UNC13C: variants seen among roughly 807,000 people sequenced by gnomAD.
UNC13C encodes unc-13 homolog C.
Under a neutral mutation model 245.4 loss-of-function variants are expected in UNC13C, and 174 were observed. The observed-to-expected ratio is 0.71, with a 90% confidence interval of 0.63 to 0.80. The LOEUF (loss-of-function observed/expected upper bound fraction) is 0.80. Among genes scored for constraint, UNC13C ranks in the 30% least tolerant of loss-of-function variants. The probability of loss-of-function intolerance (pLI) is 0.00; values close to 1 mark genes in which losing one functional copy is unlikely to be tolerated. For synonymous variants in UNC13C, 992 were observed against 895.1 expected (o/e 1.11, Z -1.93); for missense variants, 2,829 against 2,602.9 (o/e 1.09, Z -1.89).
chr15:54,271,598 G>A (rs1162671907), intron 10 of UNC13C, among the ~76,000 whole-genome samples: 1 of 152,116 alleles, frequency 6.6e-6, no homozygotes, highest in Non-Finnish European at 1.5e-5. Context: ...CTATAGTTGA[G>A]GCCTTGGTGC....
intron 19 of UNC13C, among the ~76,000 whole-genome samples, chr15:54,452,768 A>G (rs753266939): frequency 6.6e-6 from 1 of 152,212 alleles, no homozygotes; most frequent in African/African-American, 2.4e-5. Context: ...GTCGGCAGCC[A>G]TAGGTAGCTG....
chr15:53,891,839 T>G, the UNC13C span, among the ~76,000 whole-genome samples: 1 of 152,258 alleles, frequency 6.6e-6, no homozygotes, highest in African/African-American at 2.4e-5. Context: ...GTCTTTTAAT[T>G]GGGGCATTTA....
At chr15:54,018,965 CTG>C (rs761496443) in intron 2 of UNC13C, among the ~76,000 whole-genome samples, 18 of 152,152 alleles carry the variant, frequency 1.2e-4, no homozygotes, top group Non-Finnish European at 2.1e-4. Flanking sequence ...CAAATTCAAA[CTG>C]TGGCTTTTAA....
intron 28 of UNC13C, 48 bp downstream of exon 28, chr15:54,549,739 C>A: frequency 7.9e-7 from 1 of 1,273,272 alleles, no homozygotes; most frequent in South Asian, 1.4e-5. Flanking sequence ...AGTGAGTTAA[C>A]TACAGTTCTG....
the UNC13C span, among the ~76,000 whole-genome samples, chr15:53,897,075 C>T: frequency 2.1e-4 from 32 of 152,214 alleles, no homozygotes; most frequent in African/African-American, 6.0e-4. Flanking sequence ...CTGAACCCTG[C>T]TTTCCTCCCT....
Position 54,627,130 on chromosome 15 carries a change from T to A in UNC13C, c.*17T>A. The A allele has an allele frequency of 6.3e-7, 1 of 1,593,418 alleles. No homozygotes were observed. Reference sequence around the variant, plus strand: ...AGTGCTTGAAACAAACACTGCAAGCTAAATACATAACTATAATTGTTTGAC... The same window carrying A: ...AGTGCTTGAAACAAACACTGCAAGCAAAATACATAACTATAATTGTTTGAC... On this transcript the variant is annotated 3_prime_UTR_variant, in exon 33 of 33. Transcript: ENST00000260323.
At chr15:54,117,289 A>G (rs966855382) in intron 2 of UNC13C, among the ~76,000 whole-genome samples, 4 of 151,800 alleles carry the variant, frequency 2.6e-5, no homozygotes, top group Non-Finnish European at 4.4e-5. Flanking sequence ...ATGTAACCCA[A>G]TTTTTTTATT....
At chr15:54,619,156 A>G (rs1900639818) in intron 30 of UNC13C, among the ~76,000 whole-genome samples, 1 of 152,246 alleles carries the variant, frequency 6.6e-6, no homozygotes, top group East Asian at 1.9e-4. Context: ...TTTTTATGTC[A>G]TCACCTACCT....
intron 30 of UNC13C, 142 bp downstream of exon 30, chr15:54,568,089 G>A: frequency 2.0e-6 from 1 of 504,060 alleles, no homozygotes; most frequent in Non-Finnish European, 3.2e-6. Context: ...ATGGTTAATA[G>A]AGAATACCAA....
In UNC13C at chr15:54,297,805, T is replaced by C. The variant is rs1201997146; in HGVS notation, c.3989-6T>C. 3 of 1,591,308 alleles carry C rather than the reference T, an allele frequency of 1.9e-6. No individual in the cohort carries two copies. In the South Asian group the frequency reaches 3.4e-5, roughly 18 times the overall value. ...TGACTGACCAATTGCCTTTTTGCTT[T>C]ATCAGAGAAAAGGACAGATAAGTCA... is the stretch of plus-strand genomic sequence containing the variant. On this transcript the variant is annotated splice_polypyrimidine_tract_variant and splice_region_variant and intron_variant, in intron 11 of 32. Coordinates refer to ENST00000260323, the MANE Select transcript of UNC13C (RefSeq NM_001080534.3).
intron 32 of UNC13C, among the ~76,000 whole-genome samples, chr15:54,626,440 G>C (rs1901153657): frequency 6.8e-6 from 1 of 147,320 alleles, no homozygotes; most frequent in African/African-American, 2.4e-5. Context: ...AGTAGTAACT[G>C]ATATTGAAAT....
chr15:54,151,643 A>G (rs764399054), intron 4 of UNC13C, among the ~76,000 whole-genome samples: 6 of 152,136 alleles, frequency 3.9e-5, no homozygotes, highest in African/African-American at 9.7e-5. Flanking sequence ...AGCTCAGGCA[A>G]TCTGCCACCC....
At chr15:54,010,503 G>A (rs567027781) in intron 1 of UNC13C, among the ~76,000 whole-genome samples, 10 of 152,026 alleles carry the variant, frequency 6.6e-5, no homozygotes, top group African/African-American at 9.7e-5. Flanking sequence ...GAAAGGAATC[G>A]GAGGAAGAAG....
At chr15:54,371,892 A>G (rs981937779) in intron 17 of UNC13C, among the ~76,000 whole-genome samples, 1 of 152,128 alleles carries the variant, frequency 6.6e-6, no homozygotes, top group African/African-American at 2.4e-5. Context: ...ATGAAAAATA[A>G]TTCTACTCAT....
chr15:54,440,822 C>A (rs996399811), intron 19 of UNC13C, among the ~76,000 whole-genome samples: 5 of 151,886 alleles, frequency 3.3e-5, no homozygotes, highest in African/African-American at 1.2e-4. Flanking sequence ...CAGCATCTAT[C>A]ATTTTTTAAT....
At position 54,087,907 on chromosome 15, in the gene UNC13C, A is replaced by G. The variant is rs1595835368; in HGVS notation, c.2984-55111A>G. Among the ~76,000 whole-genome samples, 3 of 152,292 alleles carry G rather than the reference A, an allele frequency of 2.0e-5. No homozygotes were observed. The East Asian group carries it at 5.8e-4, about 29-fold the overall frequency. On this transcript the variant is annotated intron_variant, in intron 2 of 32. Coordinates refer to ENST00000260323, the MANE Select transcript of UNC13C (RefSeq NM_001080534.3). ...TTCTGGTTAACTTGGATATTGGGAG[A>G]AAAGGCACTTTAAGGCAACTTTTGC...
At chr15:54,302,317 G>C (rs891260590) in intron 13 of UNC13C, among the ~76,000 whole-genome samples, 2 of 152,018 alleles carry the variant, frequency 1.3e-5, no homozygotes, top group Non-Finnish European at 2.9e-5. Flanking sequence ...TGTCAATTTT[G>C]GCTTTTGTTG....
intron 10 of UNC13C, among the ~76,000 whole-genome samples, chr15:54,279,728 CT>C (rs1453585557): frequency 6.6e-6 from 1 of 152,148 alleles, no homozygotes; most frequent in African/African-American, 2.4e-5. Context: ...CTCTTTTTCT[CT>C]GGCAAGAAAT....
chr15:53,875,511 A>G, the UNC13C span, among the ~76,000 whole-genome samples: 32 of 152,132 alleles, frequency 2.1e-4, no homozygotes, highest in African/African-American at 7.0e-4. Context: ...TTGAAGGCTC[A>G]TATTAGATCA....
Sources: gnomAD v4.1 joint callset for allele counts (sites outside exome capture counted in the v4.1 genomes callset) on GRCh38, gnomAD v4.1.1 for gene constraint, MANE v1.5 for transcripts, NCBI Gene and HGNC (gene_info 2026-07-23, HGNC 2026-07-21) for gene names.